CADPS: variants seen among roughly 807,000 people sequenced by gnomAD.
CADPS encodes calcium dependent secretion activator, also known as calcium-dependent secretion activator 1.
In CADPS, 57 loss-of-function variants were observed where a neutral mutation model predicts 167.3. That is an observed-to-expected ratio of 0.34 (90% confidence interval 0.28 to 0.42). The LOEUF is 0.42. Among genes scored for constraint, CADPS ranks in the 20% least tolerant of loss-of-function variants. CADPS has a pLI of 1.00. For synonymous variants in CADPS, 676 were observed against 635.3 expected (o/e 1.06, Z -0.96); for missense variants, 1,414 against 1,738.1 (o/e 0.81, Z 3.32).
intron 1 of CADPS, among the ~76,000 whole-genome samples, chr3:62,793,467 A>G (rs1028591094): frequency 6.6e-6 from 1 of 152,200 alleles, no homozygotes; most frequent in South Asian, 2.1e-4. Flanking sequence ...AGATCACTCC[A>G]TTAAGCATCA....
intron 21 of CADPS, among the ~76,000 whole-genome samples, chr3:62,487,134 T>G (rs2062947565): frequency 6.6e-6 from 1 of 152,178 alleles, no homozygotes; most frequent in African/African-American, 2.4e-5. Context: ...AGTCCTAACT[T>G]GAAGTGGGCA....
intron 6 of CADPS, among the ~76,000 whole-genome samples, chr3:62,644,151 T>C (rs1406235642): frequency 2.6e-5 from 4 of 152,242 alleles, no homozygotes; most frequent in Non-Finnish European, 5.9e-5. Context: ...TTCTTTGAAC[T>C]ATTTTGTTTG....
Position 62,587,571 on chromosome 3 carries a change from TAAGA to T in CADPS, c.1438-2251_1438-2248del, listed in dbSNP as rs2084925555. On this transcript the variant is annotated intron_variant, in intron 7 of 29. Coordinates refer to ENST00000383710, the MANE Select transcript of CADPS (RefSeq NM_003716.4). ...CATCCAGGGCCAGAACCGCGGTAAGTAAGAAAGGCCCTGGGCTTCTGTCTGCTCC... is the reference window on the plus strand; with the variant it reads ...CATCCAGGGCCAGAACCGCGGTAAGTAAGGCCCTGGGCTTCTGTCTGCTCC... Among the ~76,000 whole-genome samples the T allele has an allele frequency of 3.3e-5, 5 of 152,216 alleles. No homozygotes were observed. In the South Asian group the frequency reaches 1.0e-3, roughly 32 times the overall value.
chr3:62,592,319 T>A (rs1038546624), intron 7 of CADPS, among the ~76,000 whole-genome samples: 2 of 152,184 alleles, frequency 1.3e-5, no homozygotes, highest in Admixed American at 6.5e-5. Context: ...ATCTAAGAAC[T>A]CCACTTTAAG....
intron 1 of CADPS, among the ~76,000 whole-genome samples, chr3:62,822,362 T>A (rs1426702594): frequency 6.6e-6 from 1 of 152,078 alleles, no homozygotes; most frequent in Non-Finnish European, 1.5e-5. Context: ...GATTATACAC[T>A]CCATGAGGGT....
At chr3:62,726,775 T>C (rs1410128584) in intron 3 of CADPS, among the ~76,000 whole-genome samples, 1 of 151,874 alleles carries the variant, frequency 6.6e-6, no homozygotes, top group Non-Finnish European at 1.5e-5. Flanking sequence ...CAATAAACCC[T>C]CAGACAAAAA....
At chr3:62,408,074 T>G (rs2048259346) in intron 28 of CADPS, among the ~76,000 whole-genome samples, 1 of 152,212 alleles carries the variant, frequency 6.6e-6, no homozygotes, top group East Asian at 1.9e-4. Context: ...AGACATTTTT[T>G]TGATCCTCCC....
intron 1 of CADPS, among the ~76,000 whole-genome samples, chr3:62,778,620 T>A (rs889319358): frequency 2.6e-5 from 4 of 152,168 alleles, no homozygotes; most frequent in African/African-American, 9.7e-5. Flanking sequence ...GCATTACCCA[T>A]GAAGCTTACA....
intron 1 of CADPS, among the ~76,000 whole-genome samples, chr3:62,816,978 C>G (rs780114540): frequency 6.6e-6 from 1 of 151,962 alleles, no homozygotes; most frequent in Non-Finnish European, 1.5e-5. Context: ...TTTTTTTTGG[C>G]CTTTCTCCAC....
intron 1 of CADPS, among the ~76,000 whole-genome samples, chr3:62,831,519 G>A (rs2075083502): frequency 6.6e-6 from 1 of 152,018 alleles, no homozygotes; most frequent in South Asian, 2.1e-4. Context: ...AAATTACTGC[G>A]AGGTCTTGGC....
chr3:62,865,128 T>C (rs2081448908), intron 1 of CADPS, among the ~76,000 whole-genome samples: 1 of 152,166 alleles, frequency 6.6e-6, no homozygotes, highest in South Asian at 2.1e-4. Flanking sequence ...AATGTAGATG[T>C]TCAGGATATA....
At chr3:62,782,761 C>CT (rs1191068833) in intron 1 of CADPS, among the ~76,000 whole-genome samples, 25,075 of 138,744 alleles carry the variant, frequency 0.18, 2,426 homozygotes, top group African/African-American at 0.25. Flanking sequence ...GCATTTCTTT[C>CT]TTTTTTTTTT....
chr3:62,524,732 C>T (rs545118179), intron 13 of CADPS, among the ~76,000 whole-genome samples: 51 of 152,244 alleles, frequency 3.3e-4, no homozygotes, highest in African/African-American at 1.2e-3. Context: ...ATGCTATGGG[C>T]ACAAGGACAT....
At chr3:62,520,070 T>A (rs567325555) in intron 13 of CADPS, among the ~76,000 whole-genome samples, 8 of 152,162 alleles carry the variant, frequency 5.3e-5, no homozygotes, top group Admixed American at 3.3e-4. Context: ...AGTGGAGAAT[T>A]AACCCAGAGA....
At chr3:62,706,643 C>T (rs183619395) in intron 3 of CADPS, among the ~76,000 whole-genome samples, 7 of 152,220 alleles carry the variant, frequency 4.6e-5, no homozygotes, top group African/African-American at 1.7e-4. Flanking sequence ...GGCAGCCACC[C>T]TTGGTGTTAC....
chr3:62,752,682 T>C (rs1188139748), intron 3 of CADPS, among the ~76,000 whole-genome samples: 1 of 152,224 alleles, frequency 6.6e-6, no homozygotes, highest in African/African-American at 2.4e-5. Context: ...TGCAGATTCC[T>C]GGGCCATGCT....
At chr3:62,679,646 A>G (rs559651717) in intron 3 of CADPS, among the ~76,000 whole-genome samples, 2 of 152,180 alleles carry the variant, frequency 1.3e-5, no homozygotes, top group Admixed American at 6.5e-5. Flanking sequence ...CACCAGCCCA[A>G]CTAAGTAAAA....
chr3:62,463,101 A>G (rs1301398563), intron 26 of CADPS, among the ~76,000 whole-genome samples: 2 of 152,156 alleles, frequency 1.3e-5, no homozygotes, highest in East Asian at 3.9e-4. Context: ...TGTCTCTGAA[A>G]AGGGAGATGA....
At chr3:62,536,642 A>G in intron 11 of CADPS, 61 bp from the exon 12 acceptor site, 1 of 1,544,212 alleles carries the variant, frequency 6.5e-7, no homozygotes. Flanking sequence ...ATTTTCTTTG[A>G]CATTTCAAAT....
Sources: allele counts gnomAD v4.1 joint callset (sites outside exome capture counted in the v4.1 genomes callset), GRCh38; gene constraint gnomAD v4.1.1; transcripts MANE v1.5; gene names NCBI Gene and HGNC (gene_info 2026-07-23, HGNC 2026-07-21).